The following MACROD2 variants were observed in gnomAD, a reference collection of about 807,000 sequenced individuals.
The protein encoded by MACROD2 is mono-ADP ribosylhydrolase 2, also known as ADP-ribose glycohydrolase MACROD2.
MACROD2 carries 36 observed loss-of-function variants against 70.4 expected under a neutral mutation model. The observed-to-expected ratio is 0.51, with a 90% CI of 0.39 to 0.68. The LOEUF (loss-of-function observed/expected upper bound fraction) is 0.68. MACROD2 is among the 30% of genes least tolerant of loss of function. The pLI, the probability that MACROD2 is intolerant of heterozygous loss-of-function variation, is 0.00. For missense variants in MACROD2, 496 were observed against 538.4 expected, an observed-to-expected ratio of 0.92 and a Z score of 0.78; for synonymous variants, 172 against 178.8, an observed-to-expected ratio of 0.96 and a Z score of 0.30.
chr20:15,219,950 TCTC>T (rs1289966716), intron 5 of MACROD2, among the ~76,000 whole-genome samples: 6 of 127,798 alleles, frequency 4.7e-5, no homozygotes, highest in African/African-American at 1.5e-4. Flanking sequence ...TATTTAATCA[TCTC>T]CTGAAAAAAA....
chr20:14,391,378 C>T (rs2083524765), intron 3 of MACROD2, among the ~76,000 whole-genome samples: 1 of 152,076 alleles, frequency 6.6e-6, no homozygotes, highest in Non-Finnish European at 1.5e-5. Flanking sequence ...AAGCAGAAAA[C>T]CAAATGCCTC....
intron 8 of MACROD2, among the ~76,000 whole-genome samples, chr20:15,838,786 A>G (rs1198444231): frequency 1.3e-5 from 2 of 152,190 alleles, no homozygotes; most frequent in Non-Finnish European, 1.5e-5. Context: ...TGAACCTTTT[A>G]AATAAATACA....
At chr20:14,427,578 G>C (rs1285549181) in intron 3 of MACROD2, among the ~76,000 whole-genome samples, 2 of 151,684 alleles carry the variant, frequency 1.3e-5, no homozygotes, top group African/African-American at 4.8e-5. Context: ...GCATGTATCT[G>C]TATACATACA....
chr20:15,772,870 G>A (rs1372594960), intron 8 of MACROD2, among the ~76,000 whole-genome samples: 1 of 151,962 alleles, frequency 6.6e-6, no homozygotes, highest in Admixed American at 6.5e-5. Context: ...AAGAAATTAA[G>A]CATTGAAAAC....
At chr20:14,949,997 AT>A (rs895961049) in intron 5 of MACROD2, among the ~76,000 whole-genome samples, 2 of 152,054 alleles carry the variant, frequency 1.3e-5, no homozygotes, top group South Asian at 4.2e-4. Flanking sequence ...CAAATACAAT[AT>A]TTTTTTTAGA....
chr20:14,167,565 T>A (rs2055286113), intron 3 of MACROD2, among the ~76,000 whole-genome samples: 1 of 151,888 alleles, frequency 6.6e-6, no homozygotes, highest in African/African-American at 2.4e-5. Flanking sequence ...TGTGCTTTTT[T>A]TTTTAGTAGA....
chr20:15,335,356 A>C (rs1243220048), intron 6 of MACROD2, among the ~76,000 whole-genome samples: 1 of 151,700 alleles, frequency 6.6e-6, no homozygotes, highest in Non-Finnish European at 1.5e-5. Context: ...AGGTCATTCC[A>C]AGGTTTTTTT....
intron 5 of MACROD2, among the ~76,000 whole-genome samples, chr20:14,849,388 G>A (rs912407178): frequency 2.0e-5 from 3 of 152,140 alleles, no homozygotes; most frequent in African/African-American, 7.2e-5. Flanking sequence ...AATTAAAGGT[G>A]TGTTGATGTT....
At chr20:15,049,256 T>C (rs993624433) in intron 5 of MACROD2, among the ~76,000 whole-genome samples, 2 of 150,582 alleles carry the variant, frequency 1.3e-5, no homozygotes, top group Admixed American at 1.3e-4. Context: ...AGGAAAAGCA[T>C]TGCAAGGAGA....
chr20:15,740,071 G>T (rs2051081499), intron 8 of MACROD2, among the ~76,000 whole-genome samples: 1 of 152,186 alleles, frequency 6.6e-6, no homozygotes, highest in South Asian at 2.1e-4. Context: ...GATTGACATG[G>T]GAGCTCTGCT....
Position 15,936,643 on chromosome 20 carries a change from A to G in MACROD2, c.839-833A>G, listed in dbSNP as rs149970365. On this transcript the variant is annotated intron_variant, in intron 11 of 17. Transcript: ENST00000684519. Reference sequence around the variant, plus strand: ...TCACAAATCACATATTTTCTAGCCCATCTTTTGTCCATAATGTGTATATGT... The same window carrying G: ...TCACAAATCACATATTTTCTAGCCCGTCTTTTGTCCATAATGTGTATATGT... 2.4e-4 allele frequency among the ~76,000 whole-genome samples: 33 copies of G among 135,336 alleles called. 1 individual carries two copies. The East Asian group carries it at 7.5e-3, about 31-fold the overall frequency. 88.8% of individuals were successfully genotyped at this position (135,336 alleles called of 152,430 possible). A position where few individuals can be genotyped will look rare whatever the true frequency, so the allele number is the denominator to read the frequency against.
At chr20:14,085,485 T>TA (rs1414766429) in intron 2 of MACROD2, 136 bp from the exon 3 acceptor site, 6 of 448,752 alleles carry the variant, frequency 1.3e-5, no homozygotes, top group African/African-American at 2.0e-5. Context: ...CCCTTGTACT[T>TA]ACGCTCTTAT....
intron 5 of MACROD2, among the ~76,000 whole-genome samples, chr20:15,027,666 G>A (rs2122986210): frequency 6.7e-6 from 1 of 149,186 alleles, no homozygotes; most frequent in East Asian, 2.0e-4. Context: ...CTGGAGCCCA[G>A]GAGTTCAATA....
intron 5 of MACROD2, among the ~76,000 whole-genome samples, chr20:14,689,666 C>T (rs560838310): frequency 2.5e-4 from 38 of 152,248 alleles, no homozygotes; most frequent in Admixed American, 1.2e-3. Flanking sequence ...GTCTTCCAGA[C>T]TCAGTTCAAA....
chr20:15,144,737 G>A (rs444687), intron 5 of MACROD2, among the ~76,000 whole-genome samples: 89,649 of 151,988 alleles, frequency 0.59, 26,571 homozygotes, highest in East Asian at 0.65. Flanking sequence ...GTCCAGCGGG[G>A]AAACATGATG....
At chr20:14,232,065 C>T (rs909704877) in intron 3 of MACROD2, among the ~76,000 whole-genome samples, 2 of 152,172 alleles carry the variant, frequency 1.3e-5, no homozygotes, top group East Asian at 3.9e-4. Context: ...GAGTAGATTG[C>T]AAAAATTTTC....
At chr20:14,923,812 C>G (rs189978712) in intron 5 of MACROD2, among the ~76,000 whole-genome samples, 166 of 28,670 alleles carry the variant, frequency 5.8e-3, no homozygotes, top group Admixed American at 7.6e-3. Context: ...GGCGGCGGGG[C>G]GGGGAGGGGG....
Position 14,215,231 on chromosome 20 carries a change from T to A in MACROD2, c.271+129503T>A, listed in dbSNP as rs562018312. Among the ~76,000 whole-genome samples, 45 of 150,998 alleles carry A rather than the reference T, an allele frequency of 3.0e-4. 1 individual carries two copies. In the South Asian group the frequency reaches 3.8e-3, roughly 13 times the overall value. On this transcript the variant is annotated intron_variant, in intron 3 of 17. Coordinates refer to ENST00000684519, the MANE Select transcript of MACROD2 (RefSeq NM_001351661.2). ...TCCATCATATATATATTTTCCATCA[T>A]ATATATATTCCATCATATATGTATA...
At chr20:14,637,629 TC>T (rs1392548508) in intron 4 of MACROD2, among the ~76,000 whole-genome samples, 1 of 152,240 alleles carries the variant, frequency 6.6e-6, no homozygotes, top group East Asian at 1.9e-4. Context: ...CCCCTGTTGC[TC>T]ACATTGTACT....
Sources: allele counts gnomAD v4.1 joint callset (sites outside exome capture counted in the v4.1 genomes callset), GRCh38; gene constraint gnomAD v4.1.1; transcripts MANE v1.5; gene names NCBI Gene and HGNC (gene_info 2026-07-23, HGNC 2026-07-21).